RPS6KA5: variants seen among roughly 807,000 people sequenced by gnomAD.
RPS6KA5 encodes ribosomal protein S6 kinase alpha-5.
RPS6KA5 carries 27 observed loss-of-function variants against 85.5 expected under a neutral mutation model. The observed-to-expected ratio is 0.32, with a 90% CI of 0.23 to 0.44. RPS6KA5 has a LOEUF of 0.44. Ranked by LOEUF, RPS6KA5 falls within the 20% of genes least tolerant of loss-of-function variation. The probability of loss-of-function intolerance (pLI) is 1.00; values close to 1 mark genes in which losing one functional copy is unlikely to be tolerated. For missense variants in RPS6KA5, 811 were observed against 980.9 expected (o/e 0.83, Z 2.31); for synonymous variants, 334 against 348.2 (o/e 0.96, Z 0.46).
intron 7 of RPS6KA5, among the ~76,000 whole-genome samples, chr14:90,907,145 C>G (rs965665867): frequency 2.0e-5 from 3 of 152,036 alleles, no homozygotes. Context: ...AATTAAGAAC[C>G]TTAACACAAT....
chr14:91,020,630 G>A (rs146353739), intron 1 of RPS6KA5, among the ~76,000 whole-genome samples: 31 of 147,646 alleles, frequency 2.1e-4, no homozygotes, highest in Non-Finnish European at 3.2e-4. Flanking sequence ...GTGTGTGTGT[G>A]TGTGTGTGTG....
chr14:90,995,956 C>T (rs537440260), intron 2 of RPS6KA5, among the ~76,000 whole-genome samples: 1 of 152,198 alleles, frequency 6.6e-6, no homozygotes, highest in African/African-American at 2.4e-5. Flanking sequence ...TGTGTTGGCA[C>T]ATGGTTGCAG....
intron 7 of RPS6KA5, among the ~76,000 whole-genome samples, chr14:90,915,320 A>G (rs1303947838): frequency 6.6e-6 from 1 of 152,116 alleles, no homozygotes; most frequent in Admixed American, 6.6e-5. Context: ...CTTATAACCA[A>G]TACTGGGTAC....
chr14:90,900,161 C>T lies in RPS6KA5; in HGVS notation c.1326G>A (p.Lys442=), dbSNP rs751395491. 1.9e-6 allele frequency: 3 copies of T among 1,606,842 alleles called. No homozygotes were observed. The highest frequency in any genetic ancestry group is 2.6e-6 in the Non-Finnish European group (3 of 1,175,970). ...LGEGSFSICR[K]CVHKKSNQAF... is the part of the protein sequence containing the mutation. ...CTTGGTTACTTTTTTTATGCACACA[C>T]TTTCGACAAATTGAAAAACTACCTT... is the stretch of plus-strand genomic sequence containing the variant. The change falls in exon 11 of 17, where the codon AAG becomes AAA. Residue 442 remains lysine (K), a synonymous_variant. Transcript: ENST00000614987.
intron 2 of RPS6KA5, among the ~76,000 whole-genome samples, chr14:90,995,301 T>A (rs28722998): frequency 0.016 from 2,375 of 152,282 alleles, 46 homozygotes; most frequent in African/African-American, 0.044. Flanking sequence ...TTTCTTTTTT[T>A]AAATCACATA....
chr14:90,993,506 T>C (rs557532084), intron 2 of RPS6KA5, among the ~76,000 whole-genome samples: 24 of 152,342 alleles, frequency 1.6e-4, no homozygotes, highest in Admixed American at 1.4e-3. Context: ...AAGTGTCTTT[T>C]TGCCACACTT....
intron 5 of RPS6KA5, among the ~76,000 whole-genome samples, chr14:90,927,933 TTTTC>T (rs2036762699): frequency 6.8e-6 from 1 of 146,282 alleles, no homozygotes; most frequent in African/African-American, 2.5e-5. Flanking sequence ...CTTTCTTTTC[TTTTC>T]TTTTTTTTTT....
chr14:91,049,848 G>A (rs1373304190), intron 1 of RPS6KA5, among the ~76,000 whole-genome samples: 2 of 152,186 alleles, frequency 1.3e-5, no homozygotes, highest in African/African-American at 2.4e-5. Context: ...CTATAAGCCT[G>A]TACAGCATGC....
intron 1 of RPS6KA5, among the ~76,000 whole-genome samples, chr14:91,014,114 T>C (rs2041378483): frequency 6.6e-6 from 1 of 152,168 alleles, no homozygotes; most frequent in African/African-American, 2.4e-5. Context: ...CAGAACCATA[T>C]GCCAAAAAGA....
intron 3 of RPS6KA5, among the ~76,000 whole-genome samples, chr14:90,967,108 C>A (rs975960423): frequency 6.6e-6 from 1 of 152,136 alleles, no homozygotes; most frequent in Non-Finnish European, 1.5e-5. Context: ...TAATGTGACC[C>A]TTCCAAAAAA....
At chr14:91,036,804 G>GT (rs2042427522) in intron 1 of RPS6KA5, among the ~76,000 whole-genome samples, 1 of 152,156 alleles carries the variant, frequency 6.6e-6, no homozygotes. Flanking sequence ...CTAGTTCAGG[G>GT]TTGCCCAAGG....
chr14:90,906,367 T>C lies in RPS6KA5; in HGVS notation c.807-68A>G, dbSNP rs567314166. On this transcript the variant is annotated intron_variant, in intron 7 of 16. Coordinates refer to ENST00000614987, the MANE Select transcript of RPS6KA5 (RefSeq NM_004755.4). ...AAAAAAAAAAAAAAGCATGGTGAAATACACTTTGAAACTGAACCACATGTG... is the reference window on the plus strand; with the variant it reads ...AAAAAAAAAAAAAAGCATGGTGAAACACACTTTGAAACTGAACCACATGTG... 1.0e-4 allele frequency: 134 copies of C among 1,314,066 alleles called. 1 individual carries two copies. The East Asian group carries it at 3.1e-3, about 31-fold the overall frequency. The allele number at this position is 1,314,066 out of a possible 1,614,324, so 81.4% of individuals were successfully genotyped here. A position where few individuals can be genotyped will look rare whatever the true frequency, so the allele number is the denominator to read the frequency against.
chr14:90,975,763 C>T (rs1566815287), intron 3 of RPS6KA5, among the ~76,000 whole-genome samples: 1 of 152,182 alleles, frequency 6.6e-6, no homozygotes, highest in Non-Finnish European at 1.5e-5. Context: ...AATAACTGAA[C>T]CATTAAAACA....
At position 90,899,322 on chromosome 14, in the gene RPS6KA5, A is replaced by AATT. The variant is rs2035023742; in HGVS notation, c.1473+6_1473+7insAAT. The AATT allele has an allele frequency of 1.3e-6, 2 of 1,481,754 alleles. No homozygotes were observed. Among genetic ancestry groups the AATT allele is most frequent in the Non-Finnish European group, 1.9e-6 (2 of 1,077,054 alleles). 91.8% of individuals were successfully genotyped at this position (1,481,754 alleles called of 1,614,324 possible). ...CATGGGAAAAAAAAAAAAAAAAAGT[A>AATT]GGATACCTGATCATGAAAAACTTCA... On this transcript the variant is annotated splice_region_variant and intron_variant, in intron 12 of 16. Coordinates refer to ENST00000614987, the MANE Select transcript of RPS6KA5 (RefSeq NM_004755.4).
intron 2 of RPS6KA5, among the ~76,000 whole-genome samples, chr14:90,984,676 C>G (rs749201027): frequency 6.6e-6 from 1 of 152,174 alleles, no homozygotes; most frequent in Non-Finnish European, 1.5e-5. Flanking sequence ...TTCTTTTCAG[C>G]TTGCTTTTCC....
rs889590657 is a variant in RPS6KA5, at chr14:90,876,521, T to C, written c.1837-1161A>G. 6.6e-5 allele frequency among the ~76,000 whole-genome samples: 10 copies of C among 152,388 alleles called. 1 individual carries two copies. The highest frequency in any genetic ancestry group is 2.6e-4 in the Admixed American group (4 of 15,308). ...AATAACAAACAAGCCAAGGCTTATC[T>C]TTGTAGCAGAGATTGGATTTTAGAA... On this transcript the variant is annotated intron_variant, in intron 14 of 16. Coordinates refer to ENST00000614987, the MANE Select transcript of RPS6KA5 (RefSeq NM_004755.4).
chr14:90,931,254 G>A (rs1022268204), intron 5 of RPS6KA5, among the ~76,000 whole-genome samples: 1 of 152,154 alleles, frequency 6.6e-6, no homozygotes, highest in Non-Finnish European at 1.5e-5. Context: ...CATGAACCTT[G>A]AGAACTATGC....
At chr14:91,025,934 C>T (rs967849561) in intron 1 of RPS6KA5, among the ~76,000 whole-genome samples, 10 of 151,988 alleles carry the variant, frequency 6.6e-5, no homozygotes, top group Admixed American at 2.0e-4. Context: ...CAAATGATTC[C>T]GTCACCCAGG....
chr14:91,036,040 T>C (rs567051882), intron 1 of RPS6KA5, among the ~76,000 whole-genome samples: 21 of 145,576 alleles, frequency 1.4e-4, no homozygotes, highest in Admixed American at 6.8e-5. Context: ...ACGAAATGAG[T>C]TGACAGGACT....
Sources: allele counts gnomAD v4.1 joint callset (sites outside exome capture counted in the v4.1 genomes callset), GRCh38; gene constraint gnomAD v4.1.1; transcripts MANE v1.5; gene names NCBI Gene and HGNC (gene_info 2026-07-23, HGNC 2026-07-21).